Variants in PGK1 observed in about 807,000 individuals in gnomAD.
The protein encoded by PGK1 is phosphoglycerate kinase 1, also known as PRP 2.
PGK1 carries 3 observed loss-of-function variants against 26.9 expected under a neutral mutation model. That is an observed-to-expected ratio of 0.11 (90% confidence interval 0.05 to 0.29). The LOEUF (loss-of-function observed/expected upper bound fraction) is 0.29, where lower values mean the gene tolerates loss of function less well. PGK1 is among the 10% of genes least tolerant of loss of function. The probability of loss-of-function intolerance (pLI) is 1.00; values close to 1 mark genes in which losing one functional copy is unlikely to be tolerated. For synonymous variants in PGK1, 125 were observed against 115.3 expected (o/e 1.08, Z -0.54); for missense variants, 270 against 314.7 (o/e 0.86, Z 1.07).
At chrX:78,110,723 G>A (rs1557246806) in intron 2 of PGK1, among the ~76,000 whole-genome samples, 4 of 110,569 alleles carry the variant, frequency 3.6e-5, no homozygotes, top group Non-Finnish European at 7.6e-5. Flanking sequence ...GTTATATGTA[G>A]TTTTACAAGC....
intron 6 of PGK1, among the ~76,000 whole-genome samples, chrX:78,122,260 T>C (rs1211333280): frequency 1.2e-4 from 13 of 111,087 alleles, no homozygotes; most frequent in Non-Finnish European, 2.3e-4. Context: ...GGTATGACTT[T>C]AGGAATATAT....
Position 78,104,393 on chromosome X carries a change from G to T in PGK1, c.53G>T (p.Arg18Leu), listed in dbSNP as rs782639483. ...TLDKLDVKGK[R>L]VVMRVDFNVP... ...GACAAGCTGGACGTTAAAGGGAAGC[G>T]GGTCGTTATGAGGTAATTCTGCACG... is the stretch of plus-strand genomic sequence containing the variant. The change falls in exon 1 of 11, where the codon CGG becomes CTG. Residue 18 changes from arginine to leucine, a missense_variant. Arg to Leu is a moderately radical substitution (Grantham distance 102). Coordinates refer to ENST00000373316, the MANE Select transcript of PGK1 (RefSeq NM_000291.4). The T allele has an allele frequency of 1.0e-5, 12 of 1,200,802 alleles. No homozygotes were observed. The South Asian group carries it at 2.1e-4, about 21-fold the overall frequency.
intron 1 of PGK1, among the ~76,000 whole-genome samples, chrX:78,107,166 G>A (rs2078276280): frequency 9.0e-6 from 1 of 111,204 alleles, no homozygotes; most frequent in African/African-American, 3.3e-5. Context: ...ATTCATGGGA[G>A]GTTACAAAGT....
chrX:78,108,568 T>C (rs2078283523), intron 1 of PGK1, among the ~76,000 whole-genome samples: 1 of 112,241 alleles, frequency 8.9e-6, no homozygotes, highest in Admixed American at 9.4e-5. Flanking sequence ...GTGAGGTAGA[T>C]TGGAGTTCAG....
intron 6 of PGK1, among the ~76,000 whole-genome samples, chrX:78,120,671 CTT>C (rs2078350515): frequency 9.1e-6 from 1 of 109,805 alleles, no homozygotes; most frequent in Non-Finnish European, 1.9e-5. Flanking sequence ...ATTTTTGAAT[CTT>C]TTTGTAGAGA....
At chrX:78,116,706 C>T (rs782247546) in intron 4 of PGK1, among the ~76,000 whole-genome samples, 1 of 112,683 alleles carries the variant, frequency 8.9e-6, no homozygotes, top group South Asian at 3.6e-4. Context: ...ACATTTTCTT[C>T]CTCTCTTTTT....
intron 1 of PGK1, among the ~76,000 whole-genome samples, chrX:78,105,434 T>G (rs1963327504): frequency 8.9e-6 from 1 of 111,831 alleles, no homozygotes; most frequent in South Asian, 3.7e-4. Context: ...TGATAGCATT[T>G]TGCAACCTTG....
chrX:78,125,055 A>T lies in PGK1; in HGVS notation c.1114+4A>T. 1 of 1,200,887 alleles carries T rather than the reference A, an allele frequency of 8.3e-7. No individual in the cohort carries two copies. Among genetic ancestry groups the T allele is most frequent in the Non-Finnish European group, 1.1e-6 (1 of 885,613 alleles). On this transcript the variant is annotated splice_donor_region_variant and intron_variant, in intron 9 of 10. Transcript: ENST00000373316. Reference sequence around the variant, plus strand: ...AGGGGCTGCATCACCATCATAGGTAAGCGGTCCTATACAAAGCTAATACCC... The same window carrying T: ...AGGGGCTGCATCACCATCATAGGTATGCGGTCCTATACAAAGCTAATACCC...
chrX:78,110,269 C>T (rs2078293586), intron 2 of PGK1, among the ~76,000 whole-genome samples: 1 of 109,944 alleles, frequency 9.1e-6, no homozygotes, highest in African/African-American at 3.3e-5. Context: ...CCTCTGGCCT[C>T]AGCTTCCCGA....
rs1465921390 is a variant in PGK1 at position 78,115,142 on chromosome X, T to G, written c.417+982T>G. Among the ~76,000 whole-genome samples, 3 of 111,539 alleles carry G rather than the reference T, an allele frequency of 2.7e-5. No homozygotes were observed. The Admixed American group carries it at 2.9e-4, about 11-fold the overall frequency. On this transcript the variant is annotated intron_variant, in intron 4 of 10. Transcript: ENST00000373316. ...CAGTATTAGGAGTCAAATGCTGACC[T>G]AAAATTTGGTGTCCTTTTAATCTGG...
chrX:78,104,567 C>T (rs951855312), intron 1 of PGK1, among the ~76,000 whole-genome samples, 162 bp downstream of exon 1: 4 of 111,312 alleles, frequency 3.6e-5, no homozygotes, highest in Admixed American at 2.8e-4. Context: ...TTGGTGGTTT[C>T]TAGCCGCATT....
Position 78,126,119 on chromosome X carries a change from G to A in PGK1, c.*289G>A, listed in dbSNP as rs187560233. ...GCCTGTTAAAAAGAAAGTGAGCAGT[G>A]TTAGCTTAGTTCTCTTTTGATGTAG... On this transcript the variant is annotated 3_prime_UTR_variant, in exon 11 of 11. Transcript: ENST00000373316. 6.8e-4 allele frequency: 236 copies of A among 347,213 alleles called. No individual in the cohort carries two copies. The highest frequency in any genetic ancestry group is 5.4e-3 in the African/African-American group (213 of 39,235). 28.6% of individuals were successfully genotyped at this position (347,213 alleles called of 1,213,427 possible).
chrX:78,111,322 C>T (rs782800679), intron 2 of PGK1, among the ~76,000 whole-genome samples: 3 of 111,620 alleles, frequency 2.7e-5, no homozygotes, highest in African/African-American at 6.5e-5. Context: ...TCCTGGACCC[C>T]GCCCACCTTG....
At chrX:78,113,303 C>CA (rs1235814043) in intron 2 of PGK1, among the ~76,000 whole-genome samples, 1 of 107,874 alleles carries the variant, frequency 9.3e-6, no homozygotes, top group African/African-American at 3.4e-5. Flanking sequence ...CCTGTCTCAA[C>CA]AAAAAAAGGA....
intron 2 of PGK1, among the ~76,000 whole-genome samples, chrX:78,110,516 T>TA (rs1439812323): frequency 9.1e-6 from 1 of 109,352 alleles, no homozygotes; most frequent in Non-Finnish European, 1.9e-5. Flanking sequence ...CTCACATCTG[T>TA]AATCCCAGCA....
At chrX:78,110,444 G>A (rs1218382820) in intron 2 of PGK1, among the ~76,000 whole-genome samples, 2 of 110,298 alleles carry the variant, frequency 1.8e-5, no homozygotes, top group Non-Finnish European at 3.8e-5. Context: ...ACAGGTGTAA[G>A]CCCCCATACC....
chrX:78,114,936 C>CT (rs1467795704), intron 4 of PGK1, among the ~76,000 whole-genome samples: 1 of 112,187 alleles, frequency 8.9e-6, no homozygotes, highest in African/African-American at 3.2e-5. Flanking sequence ...TTTTTTAGTA[C>CT]TTTCCACTAT....
intron 6 of PGK1, 58 bp from the exon 7 acceptor site, chrX:78,122,777 T>TA (rs1272479340): frequency 2.9e-6 from 2 of 678,895 alleles, no homozygotes; most frequent in Non-Finnish European, 4.9e-6. Context: ...AGTTTCTATG[T>TA]AATACCACTT....
chrX:78,110,065 T>G (rs2078292590), intron 2 of PGK1, 148 bp downstream of exon 2: 1 of 486,652 alleles, frequency 2.1e-6, no homozygotes, highest in African/African-American at 2.4e-5. Context: ...CTGATCTGCT[T>G]TCTTATTTAT....
Sources: gnomAD v4.1 joint callset for allele counts (sites outside exome capture counted in the v4.1 genomes callset) on GRCh38, gnomAD v4.1.1 for gene constraint, MANE v1.5 for transcripts, NCBI Gene and HGNC (gene_info 2026-07-23, HGNC 2026-07-21) for gene names.